The following CACNA1A variants were observed in gnomAD, a reference collection of about 807,000 sequenced individuals.
CACNA1A encodes calcium voltage-gated channel subunit alpha1 A, also known as voltage-dependent P/Q-type calcium channel subunit alpha-1A.
A neutral mutation model predicts 262.4 loss-of-function variants in CACNA1A; 57 were observed. That is an observed-to-expected ratio of 0.22 (90% CI 0.18 to 0.27). The LOEUF (loss-of-function observed/expected upper bound fraction) is 0.27. CACNA1A is among the 10% of genes least tolerant of loss of function. CACNA1A has a pLI of 1.00. For missense variants in CACNA1A, 2,526 were observed against 3,562.8 expected (o/e 0.71, Z 7.41); for synonymous variants, 1,431 against 1,419.3 (o/e 1.01, Z -0.18).
At chr19:13,455,060 G>T in intron 2 of CACNA1A, 47 bp downstream of exon 2, 1 of 1,184,524 alleles carries the variant, frequency 8.4e-7, no homozygotes, top group Non-Finnish European at 1.3e-6. Flanking sequence ...AAAAATTAAT[G>T]TCCTGCTAAA....
At chr19:13,383,248 A>G (rs2059552482) in intron 3 of CACNA1A, among the ~76,000 whole-genome samples, 1 of 152,196 alleles carries the variant, frequency 6.6e-6, no homozygotes, top group African/African-American at 2.4e-5. Context: ...GGAGAACAAT[A>G]TGGCAGCCCC....
At chr19:13,471,959 T>C (rs1978285730) in intron 1 of CACNA1A, among the ~76,000 whole-genome samples, 1 of 152,140 alleles carries the variant, frequency 6.6e-6, no homozygotes, top group African/African-American at 2.4e-5. Context: ...GAATTTCACC[T>C]CAATACAAAA....
At chr19:13,464,597 A>G (rs1184736041) in intron 1 of CACNA1A, among the ~76,000 whole-genome samples, 2 of 140,648 alleles carry the variant, frequency 1.4e-5, no homozygotes, top group African/African-American at 2.8e-5. Flanking sequence ...CGCCCAGGCC[A>G]GACTGCAGTG....
chr19:13,506,444 T>C lies in CACNA1A; in HGVS notation c.-220A>G, dbSNP rs897444011. The C allele has an allele frequency of 5.5e-6, 2 of 361,348 alleles. No individual in the cohort carries two copies. Among genetic ancestry groups the C allele is most frequent in the Admixed American group, 9.8e-5 (2 of 20,370 alleles). The allele number at this position is 361,348 out of a possible 1,614,324, so 22.4% of individuals were successfully genotyped here. On this transcript the variant is annotated 5_prime_UTR_variant, in exon 1 of 47. Coordinates refer to ENST00000360228, the MANE Select transcript of CACNA1A (RefSeq NM_001127222.2). ...GCGGCTGCCCGGGCCGAGCCGGGGA[T>C]AGCAGCTCGGGACATCTTCCTGGCT...
At chr19:13,376,732 TATG>T (rs1181766999) in intron 3 of CACNA1A, among the ~76,000 whole-genome samples, 1 of 148,158 alleles carries the variant, frequency 6.7e-6, no homozygotes, top group African/African-American at 2.5e-5. Flanking sequence ...ATATGTTATA[TATG>T]ATATATATAA....
intron 1 of CACNA1A, among the ~76,000 whole-genome samples, chr19:13,480,609 A>T (rs1197070655): frequency 6.6e-6 from 1 of 152,056 alleles, no homozygotes; most frequent in African/African-American, 2.4e-5. Flanking sequence ...CAGGAGGATC[A>T]CTTGAGCCCA....
rs752696965 is a variant in CACNA1A, at chr19:13,365,269, T to A, written c.784+48A>T. 3 of 1,543,562 alleles carry A rather than the reference T, an allele frequency of 1.9e-6. No individual in the cohort carries two copies. In the African/African-American group the frequency reaches 4.1e-5, roughly 21 times the overall value. Reference sequence around the variant, plus strand: ...CCTGCCTAATCCTCCCAAGAGCTTGTCCCTGAAGGAGAAAACTGGAAAGAT... The same window carrying A: ...CCTGCCTAATCCTCCCAAGAGCTTGACCCTGAAGGAGAAAACTGGAAAGAT... On this transcript the variant is annotated intron_variant, in intron 5 of 46. Transcript: ENST00000360228.
intron 3 of CACNA1A, among the ~76,000 whole-genome samples, chr19:13,386,795 G>A (rs966166831): frequency 4.0e-5 from 6 of 151,760 alleles, no homozygotes; most frequent in African/African-American, 7.3e-5. Context: ...TCTGTCTGAA[G>A]GAAAAAAAGA....
At chr19:13,287,097 A>G in intron 19 of CACNA1A, 131 bp from the exon 20 acceptor site, 2 of 731,810 alleles carry the variant, frequency 2.7e-6, no homozygotes, top group East Asian at 2.8e-5. Context: ...CACGCCTGTA[A>G]TCCCAGCACT....
chr19:13,288,548 G>A (rs530818554), intron 19 of CACNA1A, among the ~76,000 whole-genome samples: 96 of 152,132 alleles, frequency 6.3e-4, no homozygotes, highest in African/African-American at 1.8e-3. Context: ...TAGAGCCACC[G>A]TGCCTGGCCA....
rs145701023 is a variant in CACNA1A at position 13,219,810 on chromosome 19, G to A, written c.5731+4857C>T. ...CTACTAAAAATACAAAAAATTATCCGGGCGTGGTGGCACGCATCTGTAGTC... is the reference window on the plus strand; with the variant it reads ...CTACTAAAAATACAAAAAATTATCCAGGCGTGGTGGCACGCATCTGTAGTC... On this transcript the variant is annotated intron_variant, in intron 38 of 46. Coordinates refer to ENST00000360228, the MANE Select transcript of CACNA1A (RefSeq NM_001127222.2). Among the ~76,000 whole-genome samples, 1,470 of 151,894 alleles carry A rather than the reference G, an allele frequency of 9.7e-3. 9 individuals carry two copies. Among genetic ancestry groups the A allele is most frequent in the Non-Finnish European group, 0.013 (878 of 67,984 alleles).
intron 3 of CACNA1A, among the ~76,000 whole-genome samples, chr19:13,377,410 G>A (rs376910090): frequency 1.1e-3 from 166 of 146,746 alleles, no homozygotes; most frequent in African/African-American, 3.9e-3. Flanking sequence ...TCACTCTGTC[G>A]CTGCAGTGGT....
chr19:13,231,435 G>C (rs1202326446), intron 35 of CACNA1A, among the ~76,000 whole-genome samples: 1 of 152,006 alleles, frequency 6.6e-6, no homozygotes, highest in African/African-American at 2.4e-5. Context: ...CAGGAGGAAC[G>C]GGTGGCGTGT....
chr19:13,420,407 T>G (rs2060299318), intron 3 of CACNA1A, among the ~76,000 whole-genome samples: 2 of 152,096 alleles, frequency 1.3e-5, no homozygotes, highest in African/African-American at 4.8e-5. Flanking sequence ...CAGATGTAAC[T>G]AATTAAGGAT....
chr19:13,393,845 C>T (rs1409490729), intron 3 of CACNA1A, among the ~76,000 whole-genome samples: 5 of 135,120 alleles, frequency 3.7e-5, no homozygotes, highest in African/African-American at 7.8e-5. Flanking sequence ...TCTTCCCCTC[C>T]GCCCCCATTG....
chr19:13,287,034 C>T (rs1417916884), intron 19 of CACNA1A, 68 bp from the exon 20 acceptor site: 1 of 1,265,476 alleles, frequency 7.9e-7, no homozygotes, highest in East Asian at 2.5e-5. Flanking sequence ...AGTTCAGGAT[C>T]CTAGCTAAGA....
At chr19:13,265,318 G>A (rs528236838) in intron 24 of CACNA1A, among the ~76,000 whole-genome samples, 2 of 152,332 alleles carry the variant, frequency 1.3e-5, no homozygotes, top group Admixed American at 6.5e-5. Context: ...CCCAGGTCAT[G>A]AGCAGAGCTG....
chr19:13,294,729 T>C (rs1007529648), intron 19 of CACNA1A, among the ~76,000 whole-genome samples: 2 of 152,080 alleles, frequency 1.3e-5, no homozygotes, highest in Non-Finnish European at 2.9e-5. Context: ...CCTCAGGTGA[T>C]CCACCTGTCT....
chr19:13,233,827 G>T (rs1423234335), intron 34 of CACNA1A, among the ~76,000 whole-genome samples: 1 of 152,050 alleles, frequency 6.6e-6, no homozygotes, highest in Non-Finnish European at 1.5e-5. Context: ...TCTTTTTCCA[G>T]CATCCTCTAT....
Sources: gnomAD v4.1 joint callset for allele counts (sites outside exome capture counted in the v4.1 genomes callset) on GRCh38, gnomAD v4.1.1 for gene constraint, MANE v1.5 for transcripts, NCBI Gene and HGNC (gene_info 2026-07-23, HGNC 2026-07-21) for gene names.